The following PMM1 variants were observed in gnomAD, a reference collection of about 807,000 sequenced individuals.
PMM1 encodes the protein brain glucose-1,6-bisphosphatase.
PMM1 carries 25 observed loss-of-function variants against 34.0 expected under a neutral mutation model. The observed-to-expected ratio is 0.73, with a 90% CI of 0.54 to 1.03. PMM1 has a LOEUF of 1.03. PMM1 is among the 50% of genes least tolerant of loss of function. PMM1 has a pLI of 0.00. For missense variants in PMM1, 321 were observed against 350.1 expected, an observed-to-expected ratio of 0.92 and a Z score of 0.66; for synonymous variants, 134 against 143.9, an observed-to-expected ratio of 0.93 and a Z score of 0.49.
At chr22:41,577,954 T>C (rs372386237) in intron 6 of PMM1, 31 bp from the exon 7 acceptor site, 145 of 1,514,202 alleles carry the variant, frequency 9.6e-5, no homozygotes, top group Admixed American at 2.0e-4. Context: ...TGTTATTCCC[T>C]GCTGGGAGGG....
At chr22:41,583,236 T>C (rs908017422) in intron 5 of PMM1, among the ~76,000 whole-genome samples, 1 of 152,012 alleles carries the variant, frequency 6.6e-6, no homozygotes, top group Non-Finnish European at 1.5e-5. Context: ...TCCCAGAACT[T>C]TGGGAGGCCG....
intron 1 of PMM1, chr22:41,588,943 G>A (rs752496442): frequency 2.3e-5 from 27 of 1,150,462 alleles, no homozygotes; most frequent in Non-Finnish European, 2.8e-5. Flanking sequence ...TCCAGCTGGT[G>A]AGGGGGCTTT....
In PMM1 at chr22:41,577,904, G is replaced by A. The variant is rs146990069; in HGVS notation, c.570C>T (p.Asp190=). 7.4e-6 allele frequency: 12 copies of A among 1,612,994 alleles called. No individual in the cohort carries two copies. Among genetic ancestry groups the A allele is most frequent in the South Asian group, 3.3e-5 (3 of 91,084 alleles). The change falls in exon 7 of 8, where the codon GAC becomes GAT. Residue 190 remains aspartate, a synonymous_variant. Coordinates refer to ENST00000216259, the MANE Select transcript of PMM1 (RefSeq NM_002676.3). ...GCTTGTCCCAGCCCTCGGGGAAGACGTCAAAGCTGATCATGCCTCCTGTGG... is the reference window on the plus strand; with the variant it reads ...GCTTGTCCCAGCCCTCGGGGAAGACATCAAAGCTGATCATGCCTCCTGTGG... ...RFSRGGMISF[D]VFPEGWDKRY...
intron 5 of PMM1, among the ~76,000 whole-genome samples, chr22:41,581,733 AAT>A (rs1236178119): frequency 6.6e-6 from 1 of 152,134 alleles, no homozygotes; most frequent in Non-Finnish European, 1.5e-5. Flanking sequence ...CCACGCCTGT[AAT>A]CCCAGCACTT....
chr22:41,578,582 C>G (rs891260076), intron 6 of PMM1, among the ~76,000 whole-genome samples: 1 of 151,996 alleles, frequency 6.6e-6, no homozygotes, highest in Non-Finnish European at 1.5e-5. Flanking sequence ...GCCTGAGAAA[C>G]TGGGTGGGCA....
At position 41,586,121 on chromosome 22, in the gene PMM1, A is replaced by G; in HGVS notation, c.160T>C (p.Ser54Pro). ...SRVQIGVVGG[S>P]DYCKIAEQLG... Reference sequence around the variant, plus strand: ...TGCTCAGCGATCTTACAGTAGTCAGAGCCGCCCACCACACCGATCTGCACT... The same window carrying G: ...TGCTCAGCGATCTTACAGTAGTCAGGGCCGCCCACCACACCGATCTGCACT... Residue 54 changes from serine to proline, a missense_variant, in exon 2 of 8, where the codon TCT (serine) becomes CCT (proline). By Grantham distance (74) the Ser-to-Pro change is moderately conservative (BLOSUM62 -1). Transcript: ENST00000216259. 1 of 1,612,436 alleles carries G rather than the reference A, an allele frequency of 6.2e-7. No homozygotes were observed. The highest frequency in any genetic ancestry group is 8.5e-7 in the Non-Finnish European group (1 of 1,179,380).
Position 41,577,212 on chromosome 22 carries a change from C to T in PMM1, c.*106G>A, listed in dbSNP as rs1486096817. Reference sequence around the variant, plus strand: ...CCCATCTGGGTGGGCTTGCAGCAGGCGTCCTGGGCCAGAGGAGGGGCCCTG... The same window carrying T: ...CCCATCTGGGTGGGCTTGCAGCAGGTGTCCTGGGCCAGAGGAGGGGCCCTG... On this transcript the variant is annotated 3_prime_UTR_variant, in exon 8 of 8. Coordinates refer to ENST00000216259, the MANE Select transcript of PMM1 (RefSeq NM_002676.3). 4.0e-6 allele frequency: 6 copies of T among 1,484,998 alleles called. No homozygotes were observed. Among genetic ancestry groups the T allele is most frequent in the African/African-American group, 1.4e-5 (1 of 72,656 alleles). The allele number at this position is 1,484,998 out of a possible 1,614,324, so 92.0% of individuals were successfully genotyped here.
chr22:41,582,901 T>A (rs1165908153), intron 5 of PMM1, among the ~76,000 whole-genome samples: 5 of 151,684 alleles, frequency 3.3e-5, no homozygotes, highest in Non-Finnish European at 5.9e-5. Flanking sequence ...GATTGCTCCA[T>A]CCCCGAGAGG....
chr22:41,589,290 T>A (rs2067351812), intron 1 of PMM1: 1 of 444,702 alleles, frequency 2.2e-6, no homozygotes, highest in Non-Finnish European at 4.4e-6. Context: ...GACGCTTGGC[T>A]GTGTGCTTGT....
At position 41,576,987 on chromosome 22, in the gene PMM1, G is replaced by A. The variant is rs2067180906; in HGVS notation, c.*331C>T. On this transcript the variant is annotated 3_prime_UTR_variant, in exon 8 of 8. Coordinates refer to ENST00000216259, the MANE Select transcript of PMM1 (RefSeq NM_002676.3). ...CCTCATCGCCCAGGGCAGGCAGGCA[G>A]GGCAGGCTAGATCTCGTACCGATAC... The A allele has an allele frequency of 2.5e-6, 1 of 403,174 alleles. No homozygotes were observed. Among genetic ancestry groups the A allele is most frequent in the South Asian group, 2.2e-5 (1 of 45,030 alleles). The allele number at this position is 403,174 out of a possible 1,614,324, so 25.0% of individuals were successfully genotyped here.
At chr22:41,578,597 G>T (rs1246158292) in intron 6 of PMM1, among the ~76,000 whole-genome samples, 1 of 152,128 alleles carries the variant, frequency 6.6e-6, no homozygotes, top group Non-Finnish European at 1.5e-5. Context: ...TGGGCATGGG[G>T]CGTTTACCTC....
chr22:41,589,742 C>A lies in PMM1; in HGVS notation c.64G>T (p.Gly22Trp). 6.2e-7 allele frequency: 1 copy of A among 1,611,954 alleles called. No homozygotes were observed. The change falls in exon 1 of 8, where the codon GGG (glycine) becomes TGG (tryptophan). Residue 22 changes from glycine (G) to tryptophan (W), a missense_variant. Transcript: ENST00000216259. ...ERVLCLFDVD[G>W]TLTPARQKID... ...ACCTGGCGAGCCGGCGTGAGGGTCC[C>A]GTCCACGTCAAACAGGCAGAGGACG...
At chr22:41,588,950 C>A (rs1305429518) in intron 1 of PMM1, 2 of 1,124,996 alleles carry the variant, frequency 1.8e-6, no homozygotes, top group Non-Finnish European at 2.4e-6. Flanking sequence ...GGTGAGGGGG[C>A]TTTTGGGGAC....
rs1334964079 is a variant in PMM1 at position 41,577,938 on chromosome 22, G to A, written c.551-15C>T. Reference sequence around the variant, plus strand: ...GATCATGCCTCCTGTGGGCAGGGGTGGGGACTGTTATTCCCTGCTGGGAGG... The same window carrying A: ...GATCATGCCTCCTGTGGGCAGGGGTAGGGACTGTTATTCCCTGCTGGGAGG... On this transcript the variant is annotated splice_polypyrimidine_tract_variant and intron_variant, in intron 6 of 7. Coordinates refer to ENST00000216259, the MANE Select transcript of PMM1 (RefSeq NM_002676.3). 1 of 1,584,726 alleles carries A rather than the reference G, an allele frequency of 6.3e-7. No homozygotes were observed. The highest frequency in any genetic ancestry group is 8.7e-7 in the Non-Finnish European group (1 of 1,154,104).
intron 5 of PMM1, 58 bp from the exon 6 acceptor site, chr22:41,578,939 GC>G: frequency 6.8e-7 from 1 of 1,475,500 alleles, no homozygotes; most frequent in Non-Finnish European, 9.5e-7. Flanking sequence ...CCAGGCCCTG[GC>G]TGGGCACACA....
At chr22:41,578,675 A>C (rs2067205367) in intron 6 of PMM1, 131 bp downstream of exon 6, 1 of 693,980 alleles carries the variant, frequency 1.4e-6, no homozygotes, top group Non-Finnish European at 2.5e-6. Flanking sequence ...GGGCTCAGCC[A>C]CCCTCTCTGC....
intron 2 of PMM1, chr22:41,585,462 CTTTTATTT>C (rs766000557): frequency 7.0e-6 from 1 of 143,536 alleles, no homozygotes; most frequent in African/African-American, 2.7e-5. Context: ...TGGTTCTGCC[CTTTTATTT>C]ATTTATTTAT....
At chr22:41,587,669 G>A (rs1476214868) in intron 1 of PMM1, among the ~76,000 whole-genome samples, 2 of 152,044 alleles carry the variant, frequency 1.3e-5, no homozygotes, top group African/African-American at 2.4e-5. Context: ...TGATTTTTGA[G>A]GAGCCAAAGA....
intron 1 of PMM1, 199 bp from the exon 2 acceptor site, chr22:41,586,392 G>A (rs1482717985): frequency 2.2e-6 from 2 of 896,898 alleles, no homozygotes; most frequent in Non-Finnish European, 3.1e-6. Flanking sequence ...CGAGGCCAAG[G>A]CAGAAAGATC....
Sources: gnomAD v4.1 joint callset for allele counts (sites outside exome capture counted in the v4.1 genomes callset) on GRCh38, gnomAD v4.1.1 for gene constraint, MANE v1.5 for transcripts, NCBI Gene and HGNC (gene_info 2026-07-23, HGNC 2026-07-21) for gene names.